Variants in KNDC1 observed in about 807,000 individuals in gnomAD.
KNDC1 encodes the protein kinase non-catalytic C-lobe domain-containing protein 1.
In KNDC1, 106 loss-of-function variants were observed where a neutral mutation model predicts 172.8. The ratio of observed to expected loss-of-function variants is 0.61; its 90% confidence interval spans 0.52 to 0.72. The LOEUF is 0.72. Ranked by LOEUF, KNDC1 falls within the 30% of genes least tolerant of loss-of-function variation. The pLI, the probability that KNDC1 is intolerant of heterozygous loss-of-function variation, is 0.00. For missense variants in KNDC1, 2,325 were observed against 2,394.5 expected (o/e 0.97, Z 0.61); for synonymous variants, 1,083 against 1,062.2 (o/e 1.02, Z -0.38).
rs1278656126 is a variant in KNDC1, at chr10:133,186,100, G to C, written c.752G>C (p.Ser251Thr). The change falls in exon 6 of 30, where the codon AGC becomes ACC. Residue 251 changes from serine (S) to threonine (T), a missense_variant. Coordinates refer to ENST00000304613, the MANE Select transcript of KNDC1 (RefSeq NM_152643.8). ...PTPEGPESET[S>T]RGPRASPTKA... ...CCCGAAGGCCCGGAGTCTGAGACGAGCCGGGGCCCCAGAGCCTCCCCAACC... is the reference window on the plus strand; with the variant it reads ...CCCGAAGGCCCGGAGTCTGAGACGACCCGGGGCCCCAGAGCCTCCCCAACC... 1 of 1,597,638 alleles carries C rather than the reference G, an allele frequency of 6.3e-7. No homozygotes were observed. The highest frequency in any genetic ancestry group is 2.3e-5 in the East Asian group (1 of 44,308).
chr10:133,185,580 G>C (rs1161326126), intron 5 of KNDC1, among the ~76,000 whole-genome samples: 1 of 151,962 alleles, frequency 6.6e-6, no homozygotes, highest in Non-Finnish European at 1.5e-5. Context: ...GGCCGCTGAC[G>C]GCCGTAGCCA....
rs754313442 is a variant in KNDC1 at position 133,167,598 on chromosome 10, TGGCGGC to T, written c.301+28_301+33del. The T allele has an allele frequency of 2.6e-5, 41 of 1,558,822 alleles. No homozygotes were observed. Among genetic ancestry groups the T allele is most frequent in the South Asian group, 3.5e-5 (3 of 85,256 alleles). ...CTCAGCGGTGAGGCGGCGGTGGCGGTGGCGGCGGCGGCGGGCACGCGGGGTGGAGGT... is the reference window on the plus strand; with the variant it reads ...CTCAGCGGTGAGGCGGCGGTGGCGGTGGCGGCGGGCACGCGGGGTGGAGGT... On this transcript the variant is annotated intron_variant, in intron 2 of 29. Coordinates refer to ENST00000304613, the MANE Select transcript of KNDC1 (RefSeq NM_152643.8).
At chr10:133,210,143 T>G (rs1345004596) in intron 20 of KNDC1, among the ~76,000 whole-genome samples, 1 of 151,870 alleles carries the variant, frequency 6.6e-6, no homozygotes, top group Non-Finnish European at 1.5e-5. Flanking sequence ...TCCAGCACTT[T>G]GGGTGGCCGA....
intron 15 of KNDC1, among the ~76,000 whole-genome samples, chr10:133,199,937 G>A (rs1433839584): frequency 1.3e-5 from 2 of 152,142 alleles, no homozygotes; most frequent in African/African-American, 4.8e-5. Flanking sequence ...CCAGTGTGAG[G>A]GCCCCAAGGA....
rs200189945 is a variant in KNDC1 at position 133,199,109 on chromosome 10, G to A, written c.2601G>A (p.Pro867=). The stretch of plus-strand genomic sequence containing the variant: ...GTCCAGACAGTGTCCCAGAGAGGCC[G>A]CGGCCCGCAGACCGGAGGCTCTGTC... ...DQSPDSVPER[P]RPADRRLCLP... Residue 867 remains proline, a synonymous_variant, in exon 14 of 30, where the codon CCG becomes CCA. Transcript: ENST00000304613. 5.5e-4 allele frequency: 885 copies of A among 1,608,532 alleles called. 1 individual carries two copies. The highest frequency in any genetic ancestry group is 7.0e-4 in the Non-Finnish European group (821 of 1,178,220).
chr10:133,179,768 AG>A (rs1853661870), intron 3 of KNDC1, among the ~76,000 whole-genome samples: 1 of 151,926 alleles, frequency 6.6e-6, no homozygotes. Flanking sequence ...GACCACAGAG[AG>A]GCCCGGAGCA....
intron 3 of KNDC1, among the ~76,000 whole-genome samples, chr10:133,175,484 A>T (rs1386821158): frequency 6.8e-6 from 1 of 146,340 alleles, no homozygotes; most frequent in Non-Finnish European, 1.5e-5. Context: ...GGATGGGTGG[A>T]TAAGTAGATA....
intron 26 of KNDC1, among the ~76,000 whole-genome samples, chr10:133,217,034 G>A (rs1286841356): frequency 6.6e-6 from 1 of 152,258 alleles, no homozygotes; most frequent in African/African-American, 2.4e-5. Flanking sequence ...GTGGGGCACG[G>A]GGAGCTCGTG....
intron 3 of KNDC1, among the ~76,000 whole-genome samples, chr10:133,175,553 G>A (rs943774309): frequency 1.4e-5 from 2 of 147,000 alleles, no homozygotes; most frequent in Admixed American, 6.8e-5. Flanking sequence ...GAGGATAGAT[G>A]AGTAGATGCA....
intron 24 of KNDC1, 23 bp downstream of exon 24, chr10:133,212,945 C>T (rs1163929641): frequency 8.2e-6 from 13 of 1,594,006 alleles, no homozygotes; most frequent in Non-Finnish European, 1.0e-5. Flanking sequence ...AGGATCTGCG[C>T]CCAGGTCACC....
At chr10:133,207,395 G>C (rs188052477) in intron 20 of KNDC1, 44 bp downstream of exon 20, 2 of 1,575,978 alleles carry the variant, frequency 1.3e-6, no homozygotes, top group Non-Finnish European at 1.7e-6. Flanking sequence ...GACGTAGCCC[G>C]GGGTGCTGAG....
chr10:133,191,733 G>A (rs988304489), intron 9 of KNDC1, among the ~76,000 whole-genome samples: 15 of 152,166 alleles, frequency 9.9e-5, no homozygotes, highest in African/African-American at 3.6e-4. Context: ...CCCAACAAAA[G>A]CCTGGGTCTG....
intron 29 of KNDC1, among the ~76,000 whole-genome samples, chr10:133,223,061 G>A (rs1250659917): frequency 1.8e-4 from 1 of 5,412 alleles, no homozygotes; most frequent in African/African-American, 6.1e-4. Flanking sequence ...TCTTCCCGGC[G>A]TGTGTGTGTG....
chr10:133,168,756 A>C (rs1285652784), intron 3 of KNDC1, among the ~76,000 whole-genome samples: 2 of 152,208 alleles, frequency 1.3e-5, no homozygotes, highest in African/African-American at 4.8e-5. Flanking sequence ...GCCTCTCCAG[A>C]CACAAGGCCT....
At chr10:133,215,958 G>C (rs577878290) in intron 26 of KNDC1, among the ~76,000 whole-genome samples, 1 of 152,216 alleles carries the variant, frequency 6.6e-6, no homozygotes, top group East Asian at 1.9e-4. Context: ...TCACGGGAGC[G>C]GACGGACCTC....
rs1170720270 is a variant in KNDC1 at position 133,188,682 on chromosome 10, G to A, written c.1441+29G>A. The A allele has an allele frequency of 3.4e-5, 38 of 1,105,212 alleles. No individual in the cohort carries two copies. In the Admixed American group the frequency reaches 3.6e-4, roughly 10 times the overall value. 68.5% of individuals were successfully genotyped at this position (1,105,212 alleles called of 1,614,324 possible). Reference sequence around the variant, plus strand: ...ACGCACGCACCATCCCATCCCCCCCGCCGTCCCCACCCCCCACTGCTGTTC... The same window carrying A: ...ACGCACGCACCATCCCATCCCCCCCACCGTCCCCACCCCCCACTGCTGTTC... On this transcript the variant is annotated intron_variant, in intron 7 of 29. Coordinates refer to ENST00000304613, the MANE Select transcript of KNDC1 (RefSeq NM_152643.8).
At chr10:133,188,234 G>A (rs1292356477) in intron 6 of KNDC1, among the ~76,000 whole-genome samples, 4 of 152,294 alleles carry the variant, frequency 2.6e-5, no homozygotes, top group Admixed American at 6.5e-5. Flanking sequence ...GGGGAATGTG[G>A]CCGTGTGGAA....
Position 133,186,622 on chromosome 10 carries a change from A to T in KNDC1, c.1274A>T (p.Asp425Val). ...GGTGAAGCCCAGACTCCCAGGGACG[A>T]TGAGAGAATTCCAGAAGGAGCTAGG... Reference protein sequence around the residue: ...ASGEAQTPRDDERIPEGARQL... With the variant: ...ASGEAQTPRDVERIPEGARQL... The change falls in exon 6 of 30, where the codon GAT becomes GTT. Residue 425 changes from aspartate (D) to valine (V), a missense_variant. Coordinates refer to ENST00000304613, the MANE Select transcript of KNDC1 (RefSeq NM_152643.8). The T allele has an allele frequency of 3.1e-6, 5 of 1,596,750 alleles. No homozygotes were observed. The highest frequency in any genetic ancestry group is 4.2e-6 in the Non-Finnish European group (5 of 1,178,924).
At position 133,195,316 on chromosome 10, in the gene KNDC1, G is replaced by A. The variant is rs527331991; in HGVS notation, c.1576-347G>A. ...CACCAGTCGGGGGGCTCCCGGGTCC[G>A]TGAGGTGGGGGCTATGCTGGCCAGT... is the stretch of plus-strand genomic sequence containing the variant. On this transcript the variant is annotated intron_variant, in intron 9 of 29. Coordinates refer to ENST00000304613, the MANE Select transcript of KNDC1 (RefSeq NM_152643.8). Among the ~76,000 whole-genome samples the A allele has an allele frequency of 2.0e-4, 30 of 152,320 alleles. 1 individual carries two copies. Among genetic ancestry groups the A allele is most frequent in the Admixed American group, 1.4e-3 (22 of 15,302 alleles).
Sources: gnomAD v4.1 joint callset for allele counts (sites outside exome capture counted in the v4.1 genomes callset) on GRCh38, gnomAD v4.1.1 for gene constraint, MANE v1.5 for transcripts, NCBI Gene and HGNC (gene_info 2026-07-23, HGNC 2026-07-21) for gene names.